HYDIN: variants seen among roughly 807,000 people sequenced by gnomAD.
HYDIN encodes the protein axonemal central pair apparatus protein HYDIN.
HYDIN carries 132 observed loss-of-function variants against 403.9 expected under a neutral mutation model. That is an observed-to-expected ratio of 0.33 (90% CI 0.28 to 0.38). The LOEUF (loss-of-function observed/expected upper bound fraction) is 0.38. Among genes scored for constraint, HYDIN ranks in the 10% least tolerant of loss-of-function variants. The probability of loss-of-function intolerance (pLI) is 1.00; values close to 1 mark genes in which losing one functional copy is unlikely to be tolerated. For missense variants in HYDIN, 2,827 were observed against 5,009.5 expected (o/e 0.56, Z 13.15); for synonymous variants, 1,202 against 1,891.7 (o/e 0.64, Z 9.46).
chr16:71,204,671 G>A (rs922020844), intron 1 of HYDIN, among the ~76,000 whole-genome samples: 5 of 151,886 alleles, frequency 3.3e-5, no homozygotes, highest in African/African-American at 1.2e-4. Flanking sequence ...TACTTGAGCT[G>A]TCTGGCATAT....
At chr16:70,889,473 A>G in intron 58 of HYDIN, 114 bp downstream of exon 58, 1 of 217,914 alleles carries the variant, frequency 4.6e-6, no homozygotes, top group Non-Finnish European at 7.4e-6. Flanking sequence ...ATTATTTCAT[A>G]TTCCTGCCAT....
chr16:70,860,582 GGATATC>G (rs1179564799), intron 70 of HYDIN, 101 bp downstream of exon 70: 1 of 402,666 alleles, frequency 2.5e-6, no homozygotes, highest in Non-Finnish European at 4.3e-6. Flanking sequence ...TCAAACCCCA[GGATATC>G]GAGCCTGCTT....
chr16:70,874,719 G>A (rs938298945), intron 63 of HYDIN, 98 bp downstream of exon 63: 266 of 1,437,378 alleles, frequency 1.9e-4, no homozygotes, highest in Admixed American at 3.1e-4. Context: ...CAGTGGTGAC[G>A]AGACTGGGCA....
At chr16:70,811,808 G>C (rs1488229548) in intron 84 of HYDIN, among the ~76,000 whole-genome samples, 8 of 150,190 alleles carry the variant, frequency 5.3e-5, no homozygotes, top group Non-Finnish European at 1.5e-5. Context: ...GGTGAGCCGA[G>C]ATCACGCCAT....
intron 45 of HYDIN, among the ~76,000 whole-genome samples, chr16:70,931,403 A>C (rs2077328131): frequency 6.6e-6 from 1 of 150,944 alleles, no homozygotes; most frequent in African/African-American, 2.4e-5. Flanking sequence ...CAATATATCC[A>C]CTTGAGACTG....
intron 21 of HYDIN, among the ~76,000 whole-genome samples, chr16:71,020,918 T>C (rs1165321031): frequency 6.6e-6 from 1 of 151,180 alleles, no homozygotes; most frequent in Non-Finnish European, 1.5e-5. Flanking sequence ...GGTGCCTAAT[T>C]GAGAAAACCT....
intron 1 of HYDIN, among the ~76,000 whole-genome samples, chr16:71,206,281 T>C (rs966841911): frequency 1.3e-5 from 2 of 151,976 alleles, no homozygotes; most frequent in African/African-American, 4.8e-5. Context: ...GACCAGAATA[T>C]CCAACAAAAG....
At chr16:70,823,830 G>A (rs2036415382) in intron 83 of HYDIN, among the ~76,000 whole-genome samples, 1 of 144,790 alleles carries the variant, frequency 6.9e-6, no homozygotes, top group South Asian at 2.3e-4. Context: ...TAGCCTTTTT[G>A]ACTGTCCCAA....
At chr16:70,969,454 C>T (rs535630666) in intron 36 of HYDIN, among the ~76,000 whole-genome samples, 126 of 151,942 alleles carry the variant, frequency 8.3e-4, no homozygotes, top group African/African-American at 2.8e-3. Flanking sequence ...TCTCATTAGA[C>T]CATGGAGGCC....
intron 1 of HYDIN, among the ~76,000 whole-genome samples, chr16:71,206,257 G>A (rs1405221582): frequency 6.6e-6 from 1 of 152,196 alleles, no homozygotes; most frequent in Non-Finnish European, 1.5e-5. Context: ...GCCCCAGCCT[G>A]AGGGAGCCCT....
At chr16:70,844,435 T>G (rs1169657235) in intron 75 of HYDIN, among the ~76,000 whole-genome samples, 7 of 148,070 alleles carry the variant, frequency 4.7e-5, no homozygotes, top group Non-Finnish European at 1.0e-4. Flanking sequence ...CATGCTGTTT[T>G]GGTTACTCTA....
At chr16:71,151,849 G>A (rs1222772801) in intron 7 of HYDIN, among the ~76,000 whole-genome samples, 1 of 151,618 alleles carries the variant, frequency 6.6e-6, no homozygotes, top group East Asian at 1.9e-4. Flanking sequence ...TGTAATTTTC[G>A]TGATTATGGA....
At chr16:71,081,081 TA>T (rs1234571717) in intron 12 of HYDIN, 5 of 151,786 alleles carry the variant, frequency 3.3e-5, no homozygotes, top group Non-Finnish European at 5.9e-5. Flanking sequence ...TATAAAACTG[TA>T]AAATATTAAG....
At chr16:71,229,383 A>C (rs2041181635) in intron 1 of HYDIN, among the ~76,000 whole-genome samples, 1 of 152,218 alleles carries the variant, frequency 6.6e-6, no homozygotes, top group East Asian at 1.9e-4. Flanking sequence ...ATTAATACTT[A>C]CCATATAACC....
chr16:71,134,168 C>T (rs2084820873), intron 8 of HYDIN, among the ~76,000 whole-genome samples: 1 of 152,068 alleles, frequency 6.6e-6, no homozygotes, highest in African/African-American at 2.4e-5. Context: ...GACAAGAAAC[C>T]ATGATGGCTA....
At chr16:71,170,533 C>T (rs1393024139) in intron 5 of HYDIN, among the ~76,000 whole-genome samples, 2 of 152,046 alleles carry the variant, frequency 1.3e-5, no homozygotes, top group Admixed American at 1.3e-4. Flanking sequence ...GATAGGAATG[C>T]AATCAGCAAA....
chr16:70,844,902 C>G (rs1176065656), intron 75 of HYDIN, among the ~76,000 whole-genome samples: 1 of 150,592 alleles, frequency 6.6e-6, no homozygotes, highest in Admixed American at 6.6e-5. Flanking sequence ...TATCCTGAGA[C>G]TTTGCTGAAG....
chr16:71,042,796 C>T (rs1477445711), intron 18 of HYDIN, among the ~76,000 whole-genome samples: 2 of 152,190 alleles, frequency 1.3e-5, no homozygotes, highest in Non-Finnish European at 2.9e-5. Flanking sequence ...CAAATCTCTC[C>T]TGGAGCTGCC....
intron 25 of HYDIN, among the ~76,000 whole-genome samples, chr16:70,989,611 C>T (rs547471040): frequency 6.6e-6 from 1 of 152,064 alleles, no homozygotes; most frequent in Non-Finnish European, 1.5e-5. Flanking sequence ...TCCCATATGA[C>T]TGAATATTCT....
Sources: gnomAD v4.1 joint callset for allele counts (sites outside exome capture counted in the v4.1 genomes callset) on GRCh38, gnomAD v4.1.1 for gene constraint, MANE v1.5 for transcripts, NCBI Gene and HGNC (gene_info 2026-07-23, HGNC 2026-07-21) for gene names.